The following HECW1 variants were observed in gnomAD, a reference collection of about 807,000 sequenced individuals.
The protein encoded by HECW1 is E3 ubiquitin-protein ligase HECW1.
In HECW1, 61 loss-of-function variants were observed where a neutral mutation model predicts 182.3. The observed-to-expected ratio is 0.33, with a 90% CI of 0.27 to 0.41. The LOEUF (loss-of-function observed/expected upper bound fraction) is 0.41. HECW1 is among the 10% of genes least tolerant of loss of function. The pLI, the probability that HECW1 is intolerant of heterozygous loss-of-function variation, is 1.00. For missense variants in HECW1, 1,739 were observed against 2,108.9 expected (o/e 0.82, Z 3.44); for synonymous variants, 859 against 832.6 (o/e 1.03, Z -0.55).
chr7:43,244,867 T>G (rs1324991849), intron 3 of HECW1, among the ~76,000 whole-genome samples: 1 of 152,194 alleles, frequency 6.6e-6, no homozygotes, highest in Admixed American at 6.5e-5. Flanking sequence ...AGCTAATCCT[T>G]GAAATAACCC....
At chr7:43,338,082 CT>C (rs371865052) in intron 5 of HECW1, among the ~76,000 whole-genome samples, 2 of 152,324 alleles carry the variant, frequency 1.3e-5, no homozygotes, top group African/African-American at 4.8e-5. Context: ...ATTCTCTCCA[CT>C]TAGATTGAAA....
chr7:43,112,793 G>A lies in HECW1; in HGVS notation c.-411G>A, dbSNP rs1784720114. 4.4e-6 allele frequency: 1 copy of A among 229,140 alleles called. No homozygotes were observed. Among genetic ancestry groups the A allele is most frequent in the Non-Finnish European group, 8.7e-6 (1 of 115,452 alleles). 14.2% of individuals were successfully genotyped at this position (229,140 alleles called of 1,614,324 possible). On this transcript the variant is annotated 5_prime_UTR_variant, in exon 1 of 30. Coordinates refer to ENST00000395891, the MANE Select transcript of HECW1 (RefSeq NM_015052.5). Reference sequence around the variant, plus strand: ...GCTCTCTCGGGGCACCCGGCAGCCAGAGCGCAGCGAGAGCGGGCGGTCGCC... The same window carrying A: ...GCTCTCTCGGGGCACCCGGCAGCCAAAGCGCAGCGAGAGCGGGCGGTCGCC...
At chr7:43,540,816 T>C (rs1461924821) in intron 24 of HECW1, among the ~76,000 whole-genome samples, 1 of 152,202 alleles carries the variant, frequency 6.6e-6, no homozygotes, top group East Asian at 1.9e-4. Context: ...CTGGGTCCTC[T>C]TCCAGTTCAG....
rs2082296280 is a variant in HECW1, at chr7:43,564,990, A to T, written c.*3064A>T. 1.6e-5 allele frequency: 3 copies of T among 186,870 alleles called. No homozygotes were observed. The highest frequency in any genetic ancestry group is 4.7e-5 in the African/African-American group (2 of 42,716). 11.6% of individuals were successfully genotyped at this position (186,870 alleles called of 1,614,324 possible). A position where few individuals can be genotyped will look rare whatever the true frequency, so the allele number is the denominator to read the frequency against. On this transcript the variant is annotated 3_prime_UTR_variant, in exon 30 of 30. Coordinates refer to ENST00000395891, the MANE Select transcript of HECW1 (RefSeq NM_015052.5). The stretch of plus-strand genomic sequence containing the variant: ...AAACAATTGATTTTAGTAAGAGTGT[A>T]ACGCCTTTAATCAGGGGACAAACAA...
intron 3 of HECW1, among the ~76,000 whole-genome samples, chr7:43,304,064 C>G (rs1807210907): frequency 6.6e-6 from 1 of 152,174 alleles, no homozygotes; most frequent in East Asian, 1.9e-4. Context: ...AGTCGTGACT[C>G]AGAGGAAATG....
At position 43,401,439 on chromosome 7, in the gene HECW1, A is replaced by C. The variant is rs113978915; in HGVS notation, c.631+4550A>C. On this transcript the variant is annotated intron_variant, in intron 7 of 29. Coordinates refer to ENST00000395891, the MANE Select transcript of HECW1 (RefSeq NM_015052.5). ...AAATCAGAACAAACTGAACAGAAAC[A>C]GTAATAGAAGAAAACTTCCTTGAGC... Among the ~76,000 whole-genome samples the C allele has an allele frequency of 3.6e-3, 545 of 152,330 alleles. 5 individuals are homozygous for C. The highest frequency in any genetic ancestry group is 0.013 in the African/African-American group (523 of 41,576).
chr7:43,187,060 C>T (rs1260332545), intron 2 of HECW1, among the ~76,000 whole-genome samples: 1 of 152,190 alleles, frequency 6.6e-6, no homozygotes, highest in Non-Finnish European at 1.5e-5. Flanking sequence ...GCAGTCAAGA[C>T]GTCAGTCAAA....
chr7:43,156,926 T>A (rs191433955), intron 2 of HECW1, among the ~76,000 whole-genome samples: 1 of 152,284 alleles, frequency 6.6e-6, no homozygotes, highest in African/African-American at 2.4e-5. Flanking sequence ...CCACCCAGAT[T>A]AGACATGTAG....
chr7:43,391,521 C>T (rs1270224085), intron 6 of HECW1, among the ~76,000 whole-genome samples: 1 of 152,200 alleles, frequency 6.6e-6, no homozygotes, highest in East Asian at 1.9e-4. Context: ...TGGCTCTGTG[C>T]CACTCACCTG....
chr7:43,170,103 G>A (rs1038046696), intron 2 of HECW1, among the ~76,000 whole-genome samples: 7 of 152,248 alleles, frequency 4.6e-5, no homozygotes, highest in East Asian at 1.9e-4. Context: ...AAGCATTACC[G>A]CTTGAGCTCT....
Position 43,562,734 on chromosome 7 carries a change from GCTT to G in HECW1, c.*812_*814del. ...CTTGTGCACATGTCCAAGAAAGAAA[GCTT>G]CTTGATTGAGGTAGCATGAAGGATG... is the stretch of plus-strand genomic sequence containing the variant. On this transcript the variant is annotated 3_prime_UTR_variant, in exon 30 of 30. Transcript: ENST00000395891. The G allele has an allele frequency of 4.5e-6, 1 of 219,910 alleles. No homozygotes were observed. Among genetic ancestry groups the G allele is most frequent in the Non-Finnish European group, 9.1e-6 (1 of 109,396 alleles). The allele number at this position is 219,910 out of a possible 1,614,324, so 13.6% of individuals were successfully genotyped here.
chr7:43,198,394 ATCAG>A (rs1168291641), intron 2 of HECW1, among the ~76,000 whole-genome samples: 4 of 142,482 alleles, frequency 2.8e-5, no homozygotes, highest in Non-Finnish European at 4.6e-5. Context: ...ACACACACTC[ATCAG>A]TCACACACCC....
chr7:43,360,569 G>A (rs963878334), intron 5 of HECW1, among the ~76,000 whole-genome samples: 1 of 152,094 alleles, frequency 6.6e-6, no homozygotes, highest in African/African-American at 2.4e-5. Flanking sequence ...CAGGTGATAG[G>A]CATCCACCCA....
intron 5 of HECW1, 110 bp downstream of exon 5, chr7:43,320,852 A>G: frequency 1.3e-6 from 1 of 782,896 alleles, no homozygotes; most frequent in East Asian, 2.6e-5. Context: ...GGGCCCTCTA[A>G]AAGAGAGGTG....
chr7:43,407,728 C>T lies in HECW1; in HGVS notation c.798C>T (p.Ala266=), dbSNP rs753122454. The T allele has an allele frequency of 2.4e-5, 38 of 1,610,114 alleles. 1 individual carries two copies. The highest frequency in any genetic ancestry group is 1.8e-4 in the South Asian group (16 of 90,796). Residue 266 remains alanine (A), a synonymous_variant, in exon 8 of 30, where the codon GCC becomes GCT. Transcript: ENST00000395891. The stretch of plus-strand genomic sequence containing the variant: ...ACACCGTGAACCCCATCTGGCAGGC[C>T]GAGGTGAGTGCTGTGGGCCCTGAAA... ...IGNTVNPIWQ[A]EQFSFVSLPT... is the part of the protein sequence containing the mutation.
chr7:43,133,830 T>C lies in HECW1; in HGVS notation c.-32+19439T>C, dbSNP rs138184181. ...TTTAATAATACAGTTTTCATGAGTG[T>C]CTTTTACTTTTCTTTTTATGCTGTT... On this transcript the variant is annotated intron_variant, in intron 2 of 29. Coordinates refer to ENST00000395891, the MANE Select transcript of HECW1 (RefSeq NM_015052.5). Among the ~76,000 whole-genome samples the C allele has an allele frequency of 1.7e-3, 264 of 152,298 alleles. 1 individual carries two copies. Among genetic ancestry groups the C allele is most frequent in the Non-Finnish European group, 2.6e-3 (180 of 68,016 alleles).
intron 24 of HECW1, among the ~76,000 whole-genome samples, chr7:43,519,419 T>C (rs1215226648): frequency 6.6e-6 from 1 of 152,192 alleles, no homozygotes; most frequent in Non-Finnish European, 1.5e-5. Context: ...CTAATTTTTG[T>C]ATTTTTAGTA....
chr7:43,420,064 C>A (rs1321527463), intron 8 of HECW1, among the ~76,000 whole-genome samples: 1 of 152,230 alleles, frequency 6.6e-6, no homozygotes, highest in Non-Finnish European at 1.5e-5. Context: ...GGAAGAGGAA[C>A]AGGCTATGAC....
At chr7:43,522,947 A>C (rs1248030798) in intron 24 of HECW1, 1 of 353,272 alleles carries the variant, frequency 2.8e-6, no homozygotes, top group African/African-American at 2.2e-5. Flanking sequence ...TATTGCTGGC[A>C]CTTCCGCCTA....
Sources: gnomAD v4.1 joint callset for allele counts (sites outside exome capture counted in the v4.1 genomes callset) on GRCh38, gnomAD v4.1.1 for gene constraint, MANE v1.5 for transcripts, NCBI Gene and HGNC (gene_info 2026-07-23, HGNC 2026-07-21) for gene names.